CACNB2: variants seen among roughly 807,000 people sequenced by gnomAD.
CACNB2 encodes calcium voltage-gated channel auxiliary subunit beta 2, also known as voltage-dependent L-type calcium channel subunit beta-2.
A neutral mutation model predicts 73.3 loss-of-function variants in CACNB2; 42 were observed. The ratio of observed to expected loss-of-function variants is 0.57; its 90% CI spans 0.45 to 0.74. CACNB2 has a LOEUF of 0.74. CACNB2 is among the 30% of genes least tolerant of loss of function. The pLI, the probability that CACNB2 is intolerant of heterozygous loss-of-function variation, is 0.00. For synonymous variants in CACNB2, 348 were observed against 310.3 expected (o/e 1.12, Z -1.28); for missense variants, 940 against 853.0 (o/e 1.10, Z -1.27).
chr10:18,376,170 T>A (rs757397874), intron 2 of CACNB2, among the ~76,000 whole-genome samples: 1 of 152,192 alleles, frequency 6.6e-6, no homozygotes, highest in Non-Finnish European at 1.5e-5. Flanking sequence ...CCATAAAAAA[T>A]CAGTTTCTGT....
chr10:18,271,366 C>T lies in CACNB2; in HGVS notation c.213+120391C>T, dbSNP rs567663672. Reference sequence around the variant, plus strand: ...GAGATCTAAGTTCTGATTGAAAGCACGAAATTGACTAAAAGCCACAAACTA... The same window carrying T: ...GAGATCTAAGTTCTGATTGAAAGCATGAAATTGACTAAAAGCCACAAACTA... On this transcript the variant is annotated intron_variant, in intron 2 of 13. Transcript: ENST00000324631. Among the ~76,000 whole-genome samples the T allele has an allele frequency of 5.3e-5, 8 of 152,204 alleles. 1 individual carries two copies. The highest frequency in any genetic ancestry group is 3.9e-4 in the East Asian group (2 of 5,176).
intron 3 of CACNB2, among the ~76,000 whole-genome samples, chr10:18,424,844 A>T (rs895581149): frequency 1.3e-5 from 2 of 152,136 alleles, no homozygotes; most frequent in Admixed American, 1.3e-4. Flanking sequence ...CCAGTAGGGG[A>T]TGTGGCACAA....
intron 2 of CACNB2, among the ~76,000 whole-genome samples, chr10:18,346,638 C>T (rs1203275949): frequency 6.6e-6 from 1 of 152,030 alleles, no homozygotes; most frequent in Admixed American, 6.6e-5. Context: ...ACTCTGTCGC[C>T]CAGGCTGGAG....
chr10:18,417,324 C>T (rs1006659029), intron 3 of CACNB2, among the ~76,000 whole-genome samples: 2 of 144,618 alleles, frequency 1.4e-5, no homozygotes, highest in African/African-American at 5.1e-5. Context: ...TTTTACACTT[C>T]AACATTATTT....
At chr10:18,420,370 A>G (rs1318329522) in intron 3 of CACNB2, among the ~76,000 whole-genome samples, 1 of 152,054 alleles carries the variant, frequency 6.6e-6, no homozygotes, top group Non-Finnish European at 1.5e-5. Context: ...GAGATTTATT[A>G]TAAGAAATTG....
At chr10:18,477,146 GT>G (rs747891225) in intron 3 of CACNB2, among the ~76,000 whole-genome samples, 4 of 152,072 alleles carry the variant, frequency 2.6e-5, no homozygotes, top group Non-Finnish European at 5.9e-5. Context: ...TTTTGATTTA[GT>G]TTTAGGAAGT....
chr10:18,372,729 T>C (rs894976705), intron 2 of CACNB2, among the ~76,000 whole-genome samples: 1 of 152,106 alleles, frequency 6.6e-6, no homozygotes, highest in Admixed American at 6.6e-5. Flanking sequence ...TTTTAAGCCA[T>C]ATTTCCTTCT....
At chr10:18,533,945 T>A in intron 10 of CACNB2, 131 bp from the exon 11 acceptor site, 1 of 778,644 alleles carries the variant, frequency 1.3e-6, no homozygotes, top group Non-Finnish European at 2.1e-6. Flanking sequence ...TTGTAAATTT[T>A]TATCAATTCT....
At chr10:18,311,482 A>T (rs2039964002) in intron 2 of CACNB2, among the ~76,000 whole-genome samples, 1 of 152,192 alleles carries the variant, frequency 6.6e-6, no homozygotes, top group Non-Finnish European at 1.5e-5. Context: ...TACTACTAAT[A>T]GCCTACTGTT....
intron 2 of CACNB2, among the ~76,000 whole-genome samples, chr10:18,301,042 T>C (rs76373827): frequency 0.029 from 4,419 of 152,250 alleles, 207 homozygotes; most frequent in East Asian, 0.12. Context: ...AAAGTGAAAG[T>C]GAGATGGAGA....
intron 2 of CACNB2, among the ~76,000 whole-genome samples, chr10:18,195,330 G>T (rs997202286): frequency 3.3e-5 from 5 of 152,166 alleles, no homozygotes; most frequent in African/African-American, 1.2e-4. Context: ...TCTCATACCA[G>T]TTGAGGAAAT....
chr10:18,539,318 A>C lies in CACNB2; in HGVS notation c.1577A>C (p.Lys526Thr). Residue 526 changes from lysine (K) to threonine (T), a missense_variant, in exon 14 of 14, where the codon AAG becomes ACG. Physicochemically the swap from Lys to Thr is moderately conservative, Grantham distance 78. Coordinates refer to ENST00000324631, the MANE Select transcript of CACNB2 (RefSeq NM_201596.3). ...AEEEPSVEPV[K>T]KSQHRSSSSA... is the part of the protein sequence containing the mutation. ...GAAGAACCTAGTGTGGAACCAGTCA[A>C]GAAATCCCAGCACCGCTCTTCCTCC... is the stretch of plus-strand genomic sequence containing the variant. 4 of 1,614,082 alleles carry C rather than the reference A, an allele frequency of 2.5e-6. No individual in the cohort carries two copies. Among genetic ancestry groups the C allele is most frequent in the Non-Finnish European group, 3.4e-6 (4 of 1,179,996 alleles).
intron 2 of CACNB2, among the ~76,000 whole-genome samples, chr10:18,399,003 A>G (rs1255490642): frequency 2.0e-5 from 3 of 152,116 alleles, no homozygotes; most frequent in African/African-American, 7.2e-5. Flanking sequence ...CGGGAATGCG[A>G]CCGCGGGAAT....
At chr10:18,495,780 T>C (rs2049775401) in intron 3 of CACNB2, among the ~76,000 whole-genome samples, 1 of 152,090 alleles carries the variant, frequency 6.6e-6, no homozygotes, top group African/African-American at 2.4e-5. Context: ...AAATGCAATA[T>C]GTTATGATTG....
At chr10:18,244,867 T>C (rs1260234226) in intron 2 of CACNB2, among the ~76,000 whole-genome samples, 1 of 152,258 alleles carries the variant, frequency 6.6e-6, no homozygotes, top group East Asian at 1.9e-4. Flanking sequence ...GGGCACAGTG[T>C]AATCACAAGG....
chr10:18,305,574 C>T lies in CACNB2; in HGVS notation c.214-96350C>T, dbSNP rs563804067. 2.6e-5 allele frequency among the ~76,000 whole-genome samples: 4 copies of T among 152,262 alleles called. No individual in the cohort carries two copies. The South Asian group carries it at 8.3e-4, about 32-fold the overall frequency. ...TCATTATTACTTTGCCATGTAATAGCCATTTATATCAATTTCACATTCTAC... is the reference window on the plus strand; with the variant it reads ...TCATTATTACTTTGCCATGTAATAGTCATTTATATCAATTTCACATTCTAC... On this transcript the variant is annotated intron_variant, in intron 2 of 13. Coordinates refer to ENST00000324631, the MANE Select transcript of CACNB2 (RefSeq NM_201596.3).
chr10:18,533,999 C>T, intron 10 of CACNB2, 77 bp from the exon 11 acceptor site: 1 of 1,404,148 alleles, frequency 7.1e-7, no homozygotes, highest in Non-Finnish European at 1.0e-6. Flanking sequence ...ACTCACCTTT[C>T]TGTTGAAGAA....
intron 3 of CACNB2, among the ~76,000 whole-genome samples, chr10:18,422,807 C>A (rs902268543): frequency 2.0e-4 from 31 of 152,180 alleles, no homozygotes; most frequent in Middle Eastern, 3.4e-3. Context: ...CAAGTGATTC[C>A]CCTGCTTCAG....
chr10:18,531,538 T>C (rs1244539905), intron 10 of CACNB2, among the ~76,000 whole-genome samples: 1 of 152,194 alleles, frequency 6.6e-6, no homozygotes, highest in Non-Finnish European at 1.5e-5. Context: ...AGTAGTGGGA[T>C]TGCTGGGTCA....
Sources: gnomAD v4.1 joint callset for allele counts (sites outside exome capture counted in the v4.1 genomes callset) on GRCh38, gnomAD v4.1.1 for gene constraint, MANE v1.5 for transcripts, NCBI Gene and HGNC (gene_info 2026-07-23, HGNC 2026-07-21) for gene names.